UCK2: variants seen among roughly 807,000 people sequenced by gnomAD.
UCK2 encodes uridine-cytidine kinase 2.
Under a neutral mutation model 30.8 loss-of-function variants are expected in UCK2, and 6 were observed. The observed-to-expected ratio is 0.19, with a 90% confidence interval of 0.11 to 0.38. The LOEUF (loss-of-function observed/expected upper bound fraction) is 0.38, where lower values mean the gene tolerates loss of function less well. Among genes scored for constraint, UCK2 ranks in the 10% least tolerant of loss-of-function variants. The pLI, the probability that UCK2 is intolerant of heterozygous loss-of-function variation, is 1.00. For synonymous variants in UCK2, 125 were observed against 133.6 expected, an observed-to-expected ratio of 0.94 and a Z score of 0.45; for missense variants, 210 against 339.8, an observed-to-expected ratio of 0.62 and a Z score of 3.00.
chr1:165,865,142 C>A (rs1655018992), intron 1 of UCK2, among the ~76,000 whole-genome samples: 1 of 152,182 alleles, frequency 6.6e-6, no homozygotes, highest in African/African-American at 2.4e-5. Flanking sequence ...ACTTAACAAC[C>A]CCCATTATTG....
intron 4 of UCK2, among the ~76,000 whole-genome samples, chr1:165,901,010 C>T (rs1571300597): frequency 1.3e-5 from 2 of 152,248 alleles, no homozygotes; most frequent in East Asian, 3.9e-4. Context: ...TTTGGCGGTG[C>T]TACTCTGGTT....
intron 6 of UCK2, 82 bp downstream of exon 6, chr1:165,906,051 A>C (rs534224229): frequency 7.3e-7 from 1 of 1,364,042 alleles, no homozygotes; most frequent in Non-Finnish European, 1.0e-6. Context: ...TGGTGACCCT[A>C]CAGGGCTCTG....
intron 1 of UCK2, among the ~76,000 whole-genome samples, chr1:165,862,840 A>G (rs962538085): frequency 6.6e-6 from 1 of 152,160 alleles, no homozygotes; most frequent in East Asian, 1.9e-4. Flanking sequence ...CTTCCCTTTC[A>G]CTTCCCTGTT....
In UCK2 at chr1:165,905,915, C is replaced by T; in HGVS notation, c.598-6C>T. ...ATTAATGCATATTAACTGTCTTTCT[C>T]CACAGACAAAGAAGTATGCTGATGT... On this transcript the variant is annotated splice_polypyrimidine_tract_variant and splice_region_variant and intron_variant, in intron 5 of 6. Transcript: ENST00000367879. 1 of 1,613,780 alleles carries T rather than the reference C, an allele frequency of 6.2e-7. No individual in the cohort carries two copies. The highest frequency in any genetic ancestry group is 8.5e-7 in the Non-Finnish European group (1 of 1,179,730).
rs892147748 is a variant in UCK2, at chr1:165,827,620, C to G, written c.-214C>G. ...GCTGACCTCTGCCTGGGATGTAAAC[C>G]GGACCAGCCGCTGCGGGCAAAGGAA... On this transcript the variant is annotated 5_prime_UTR_variant, in exon 1 of 7. Coordinates refer to ENST00000367879, the MANE Select transcript of UCK2 (RefSeq NM_012474.5). 1.1e-5 allele frequency: 4 copies of G among 378,666 alleles called. No homozygotes were observed. Among genetic ancestry groups the G allele is most frequent in the Non-Finnish European group, 1.9e-5 (4 of 215,096 alleles). 23.5% of individuals were successfully genotyped at this position (378,666 alleles called of 1,614,324 possible).
At chr1:165,897,914 G>A (rs1647325105) in intron 4 of UCK2, 1 of 152,204 alleles carries the variant, frequency 6.6e-6, no homozygotes, top group South Asian at 2.1e-4. Context: ...AGCTAGCTTT[G>A]TGACTAGGCT....
In UCK2 at chr1:165,886,126, A is replaced by G. The variant is rs562855970; in HGVS notation, c.100-4078A>G. ...CTTTGCATAGTGCATTTCACTTTGC[A>G]TAGTGAAATCCTATGGTATTTGTCT... On this transcript the variant is annotated intron_variant, in intron 1 of 6. Transcript: ENST00000367879. 3.3e-5 allele frequency among the ~76,000 whole-genome samples: 5 copies of G among 152,256 alleles called. No homozygotes were observed. In the South Asian group the frequency reaches 8.3e-4, roughly 25 times the overall value.
intron 4 of UCK2, among the ~76,000 whole-genome samples, chr1:165,902,265 C>T (rs574846438): frequency 1.1e-4 from 17 of 151,786 alleles, no homozygotes; most frequent in South Asian, 6.2e-4. Flanking sequence ...AAAATTAGTC[C>T]ATTGAGGTGG....
intron 2 of UCK2, 71 bp from the exon 3 acceptor site, chr1:165,891,155 T>G (rs950057654): frequency 1.5e-6 from 2 of 1,319,604 alleles, no homozygotes; most frequent in Non-Finnish European, 2.2e-6. Context: ...TTTATGAGGA[T>G]GCCTTGTGTA....
intron 1 of UCK2, among the ~76,000 whole-genome samples, chr1:165,867,038 C>T (rs555497086): frequency 2.0e-5 from 3 of 152,288 alleles, no homozygotes; most frequent in South Asian, 4.1e-4. Context: ...AAGTGTCACA[C>T]AATTTTTTGT....
intron 1 of UCK2, among the ~76,000 whole-genome samples, chr1:165,859,301 C>T (rs12072837): frequency 0.016 from 2,421 of 152,208 alleles, 78 homozygotes; most frequent in African/African-American, 0.055. Flanking sequence ...CCCCTTCCTG[C>T]GCCCCGCCCC....
chr1:165,868,568 TCTTAA>T (rs1655110368), intron 1 of UCK2, among the ~76,000 whole-genome samples: 2 of 152,240 alleles, frequency 1.3e-5, no homozygotes, highest in African/African-American at 4.8e-5. Flanking sequence ...GGATATGGTT[TCTTAA>T]CTTAAGCCTC....
chr1:165,835,591 AAAC>A (rs1292688341), intron 1 of UCK2, among the ~76,000 whole-genome samples: 15 of 152,276 alleles, frequency 9.9e-5, no homozygotes, highest in African/African-American at 2.6e-4. Flanking sequence ...ATACACTTAA[AAAC>A]AACAATTGTT....
At chr1:165,839,105 A>C (rs1376594087) in intron 1 of UCK2, among the ~76,000 whole-genome samples, 1 of 152,204 alleles carries the variant, frequency 6.6e-6, no homozygotes, top group Non-Finnish European at 1.5e-5. Flanking sequence ...TTAACTTTAA[A>C]TTCGTATTGT....
rs57710760 is a variant in UCK2 at position 165,889,688 on chromosome 1, CTT to C, written c.100-498_100-497del. Among the ~76,000 whole-genome samples, 120 of 129,596 alleles carry C rather than the reference CTT, an allele frequency of 9.3e-4. No individual in the cohort carries two copies. The South Asian group carries it at 0.019, about 21-fold the overall frequency. 85.0% of individuals were successfully genotyped at this position (129,596 alleles called of 152,430 possible). A position where few individuals can be genotyped will look rare whatever the true frequency, so the allele number is the denominator to read the frequency against. On this transcript the variant is annotated intron_variant, in intron 1 of 6. Transcript: ENST00000367879. Reference sequence around the variant, plus strand: ...GTAAGGCGGACTCTTCTCCGTTAGCCTTTTTTTTTTTTTTTTTTTAATTTAAC... The same window carrying C: ...GTAAGGCGGACTCTTCTCCGTTAGCCTTTTTTTTTTTTTTTTTAATTTAAC...
In UCK2 at chr1:165,854,546, G is replaced by A. The variant is rs1267912978; in HGVS notation, c.99+26614G>A. Among the ~76,000 whole-genome samples the A allele has an allele frequency of 2.6e-5, 4 of 151,750 alleles. No individual in the cohort carries two copies. The East Asian group carries it at 5.8e-4, about 22-fold the overall frequency. On this transcript the variant is annotated intron_variant, in intron 1 of 6. Transcript: ENST00000367879. ...CTGGGTCCCACTTCCGCAGCCCCCAGCCCTGTCTTCTAGAGTTAGACTGTA... is the reference window on the plus strand; with the variant it reads ...CTGGGTCCCACTTCCGCAGCCCCCAACCCTGTCTTCTAGAGTTAGACTGTA...
chr1:165,903,312 T>A, intron 5 of UCK2, 33 bp downstream of exon 5: 1 of 1,593,656 alleles, frequency 6.3e-7, no homozygotes, highest in Non-Finnish European at 8.6e-7. Context: ...TTTTGTTGAA[T>A]GTAGAATTTA....
chr1:165,882,720 C>T (rs530430936), intron 1 of UCK2, among the ~76,000 whole-genome samples: 29 of 152,192 alleles, frequency 1.9e-4, no homozygotes, highest in African/African-American at 6.5e-4. Flanking sequence ...CATAAGGGCC[C>T]TCATCACCTC....
chr1:165,876,612 AAAG>A lies in UCK2; in HGVS notation c.100-13589_100-13587del, dbSNP rs140408554. The stretch of plus-strand genomic sequence containing the variant: ...AAAGTACATCCTCTGTGATTTAAAA[AAAG>A]AAATTCAATATACCCATTAAAAAAG... On this transcript the variant is annotated intron_variant, in intron 1 of 6. Transcript: ENST00000367879. Among the ~76,000 whole-genome samples, 42 of 152,382 alleles carry A rather than the reference AAAG, an allele frequency of 2.8e-4. 1 individual carries two copies. Among genetic ancestry groups the A allele is most frequent in the Admixed American group, 1.9e-3 (29 of 15,314 alleles).
Sources: allele counts gnomAD v4.1 joint callset (sites outside exome capture counted in the v4.1 genomes callset), GRCh38; gene constraint gnomAD v4.1.1; transcripts MANE v1.5; gene names NCBI Gene and HGNC (gene_info 2026-07-23, HGNC 2026-07-21).